METTL22: variants seen among roughly 807,000 people sequenced by gnomAD.
METTL22 encodes methyltransferase 22, Kin17 lysine, also known as methyltransferase-like protein 22.
A neutral mutation model predicts 48.4 loss-of-function variants in METTL22; 51 were observed. The observed-to-expected ratio is 1.05, with a 90% CI of 0.84 to 1.33. The LOEUF (loss-of-function observed/expected upper bound fraction) is 1.33, where lower values mean the gene tolerates loss of function less well. Among genes scored for constraint, METTL22 ranks in the 40% most tolerant of loss-of-function variants. The probability of loss-of-function intolerance (pLI) is 0.00; values close to 1 mark genes in which losing one functional copy is unlikely to be tolerated. For synonymous variants in METTL22, 255 were observed against 214.1 expected (o/e 1.19, Z -1.67); for missense variants, 678 against 526.9 (o/e 1.29, Z -2.81).
In METTL22 at chr16:8,625,532, C is replaced by G. The variant is rs935752229; in HGVS notation, c.-134C>G. The G allele has an allele frequency of 4.4e-6, 3 of 685,418 alleles. No homozygotes were observed. The highest frequency in any genetic ancestry group is 3.4e-5 in the Admixed American group (1 of 29,494). 42.5% of individuals were successfully genotyped at this position (685,418 alleles called of 1,614,324 possible). A position where few individuals can be genotyped will look rare whatever the true frequency, so the allele number is the denominator to read the frequency against. On this transcript the variant is annotated 5_prime_UTR_variant, in exon 2 of 11. Coordinates refer to ENST00000381920, the MANE Select transcript of METTL22 (RefSeq NM_024109.4). Reference sequence around the variant, plus strand: ...TCCCTGGCCAAGTCTCTGAGATCTTCTCCCAGGGCGATGCAAAGCTACTCG... The same window carrying G: ...TCCCTGGCCAAGTCTCTGAGATCTTGTCCCAGGGCGATGCAAAGCTACTCG...
At position 8,647,650 on chromosome 16, in the gene METTL22, C is replaced by T. The variant is rs761756705; in HGVS notation, c.*1507C>T. The T allele has an allele frequency of 6.6e-6, 1 of 152,166 alleles. No individual in the cohort carries two copies. The highest frequency in any genetic ancestry group is 1.5e-5 in the Non-Finnish European group (1 of 68,062). 9.4% of individuals were successfully genotyped at this position (152,166 alleles called of 1,614,324 possible). ...ATCCAGCCCAAAATGTGAGTAGCGC[C>T]GAGGCGGAGAAATCCTGACTTGGAA... is the stretch of plus-strand genomic sequence containing the variant. On this transcript the variant is annotated 3_prime_UTR_variant, in exon 11 of 11. Transcript: ENST00000381920.
At chr16:8,657,824 C>CTTTTTTTTTTTTTTTT in the METTL22 span, among the ~76,000 whole-genome samples, 6 of 137,430 alleles carry the variant, frequency 4.4e-5, no homozygotes, top group African/African-American at 1.4e-4. Context: ...TCTTTTCTTT[C>CTTTTTTTTTTTTTTTT]TTTTTTTTTT....
chr16:8,642,601 C>T lies in METTL22; in HGVS notation c.1010+36C>T, dbSNP rs755877054. On this transcript the variant is annotated intron_variant, in intron 9 of 10. Transcript: ENST00000381920. ...CGCCACGGGAACCGTGCTGACGTCCCGAGTGTCAGCGGAACTCTCACCTCC... is the reference window on the plus strand; with the variant it reads ...CGCCACGGGAACCGTGCTGACGTCCTGAGTGTCAGCGGAACTCTCACCTCC... 14 of 1,567,848 alleles carry T rather than the reference C, an allele frequency of 8.9e-6. 1 individual carries two copies. The South Asian group carries it at 1.1e-4, about 12-fold the overall frequency.
intron 6 of METTL22, among the ~76,000 whole-genome samples, chr16:8,640,318 C>T (rs2056557748): frequency 6.6e-6 from 1 of 152,068 alleles, no homozygotes. Flanking sequence ...GCGTTTGCCT[C>T]ATCCTTCTGG....
intron 5 of METTL22, among the ~76,000 whole-genome samples, chr16:8,636,776 G>A (rs890378455): frequency 2.6e-5 from 4 of 152,022 alleles, no homozygotes; most frequent in African/African-American, 7.2e-5. Context: ...TTTGTGTATC[G>A]TTGTCTAATA....
chr16:8,652,985 G>A (rs2056920665), downstream of METTL22, among the ~76,000 whole-genome samples: 1 of 152,188 alleles, frequency 6.6e-6, no homozygotes, highest in Non-Finnish European at 1.5e-5. Flanking sequence ...TGTGCTCTTA[G>A]ATTAAAGCCT....
At chr16:8,657,939 C>G in the METTL22 span, among the ~76,000 whole-genome samples, 1 of 152,054 alleles carries the variant, frequency 6.6e-6, no homozygotes, top group African/African-American at 2.4e-5. Context: ...ATCTCAGTCT[C>G]CTGAGTAGCT....
intron 6 of METTL22, chr16:8,639,707 C>G (rs747324554): frequency 6.2e-6 from 1 of 162,574 alleles, no homozygotes; most frequent in Non-Finnish European, 1.4e-5. Context: ...GGGCCTCCGC[C>G]TCCATCTGCC....
Position 8,648,257 on chromosome 16 carries a change from C to T in METTL22, c.*2114C>T, listed in dbSNP as rs142032488. 0.013 allele frequency: 2,023 copies of T among 152,526 alleles called. 47 individuals are homozygous for T. The highest frequency in any genetic ancestry group is 0.015 in the Non-Finnish European group (1,005 of 68,336). 9.4% of individuals were successfully genotyped at this position (152,526 alleles called of 1,614,324 possible). On this transcript the variant is annotated 3_prime_UTR_variant, in exon 11 of 11. Coordinates refer to ENST00000381920, the MANE Select transcript of METTL22 (RefSeq NM_024109.4). Reference sequence around the variant, plus strand: ...AGGAGAATCGCTTGAACCTGGGAGGCGAAGGTTGCAGTGAGCCAAGATCGC... The same window carrying T: ...AGGAGAATCGCTTGAACCTGGGAGGTGAAGGTTGCAGTGAGCCAAGATCGC...
At chr16:8,657,362 A>G in the METTL22 span, among the ~76,000 whole-genome samples, 1 of 152,210 alleles carries the variant, frequency 6.6e-6, no homozygotes, top group Non-Finnish European at 1.5e-5. Context: ...GCGTAGTTAA[A>G]TACAATATTA....
intron 9 of METTL22, 21 bp from the exon 10 acceptor site, chr16:8,644,536 G>A (rs375652475): frequency 2.5e-5 from 38 of 1,527,302 alleles, no homozygotes; most frequent in African/African-American, 1.8e-4. Flanking sequence ...CAGTTTGTGC[G>A]TCCGACTGGC....
downstream of METTL22, among the ~76,000 whole-genome samples, chr16:8,654,591 A>G (rs2056939246): frequency 6.6e-6 from 1 of 152,250 alleles, no homozygotes; most frequent in Non-Finnish European, 1.5e-5. Context: ...ACTCTCTAAC[A>G]AGAGCTGTAT....
intron 2 of METTL22, among the ~76,000 whole-genome samples, chr16:8,627,693 A>G (rs920832706): frequency 3.9e-5 from 6 of 152,212 alleles, no homozygotes; most frequent in African/African-American, 7.2e-5. Flanking sequence ...TTTTTGTGCT[A>G]TAACGGCAGA....
chr16:8,655,259 C>T, the METTL22 span, among the ~76,000 whole-genome samples: 1 of 152,222 alleles, frequency 6.6e-6, no homozygotes, highest in African/African-American at 2.4e-5. Flanking sequence ...GCTGTGGTCT[C>T]ATCTGAAGGT....
At chr16:8,624,522 AGC>A (rs1319202713) in intron 1 of METTL22, among the ~76,000 whole-genome samples, 1 of 151,890 alleles carries the variant, frequency 6.6e-6, no homozygotes, top group East Asian at 1.9e-4. Context: ...TGGGACTACC[AGC>A]GCGCGCCACG....
intron 3 of METTL22, chr16:8,631,619 AGACTGGCT>A: frequency 1.3e-5 from 2 of 152,286 alleles, no homozygotes; most frequent in South Asian, 4.1e-4. Context: ...GGGAGGAGGG[AGACTGGCT>A]GACGAACAGT....
chr16:8,659,442 C>T, the METTL22 span, among the ~76,000 whole-genome samples: 1 of 152,162 alleles, frequency 6.6e-6, no homozygotes, highest in African/African-American at 2.4e-5. Context: ...CCCTCCCAGC[C>T]ATTCTGCAAA....
chr16:8,660,808 G>GCT, the METTL22 span, among the ~76,000 whole-genome samples: 1 of 8,380 alleles, frequency 1.2e-4, no homozygotes, highest in African/African-American at 2.9e-4. Context: ...AGGAGGAGGA[G>GCT]GAGGAGGAGG....
At chr16:8,642,778 C>A in intron 9 of METTL22, 1 of 604,432 alleles carries the variant, frequency 1.7e-6, no homozygotes, top group Admixed American at 2.8e-5. Context: ...TCCCACTTGA[C>A]TGATGAAGAG....
Sources: allele counts gnomAD v4.1 joint callset (sites outside exome capture counted in the v4.1 genomes callset), GRCh38; gene constraint gnomAD v4.1.1; transcripts MANE v1.5; gene names NCBI Gene and HGNC (gene_info 2026-07-23, HGNC 2026-07-21).